PRR16: variants seen among roughly 807,000 people sequenced by gnomAD.
PRR16 encodes protein Largen.
A neutral mutation model predicts 18.2 loss-of-function variants in PRR16; 6 were observed. The observed-to-expected ratio is 0.33, with a 90% CI of 0.18 to 0.65. PRR16 has a LOEUF of 0.65. Ranked by LOEUF, PRR16 falls within the 30% of genes least tolerant of loss-of-function variation. The pLI, the probability that PRR16 is intolerant of heterozygous loss-of-function variation, is 0.74. For synonymous variants in PRR16, 151 were observed against 147.8 expected, an observed-to-expected ratio of 1.02 and a Z score of -0.16; for missense variants, 412 against 376.6, an observed-to-expected ratio of 1.09 and a Z score of -0.78.
At chr5:120,778,983 G>T in the PRR16 span, among the ~76,000 whole-genome samples, 2 of 152,098 alleles carry the variant, frequency 1.3e-5, no homozygotes, top group Admixed American at 1.3e-4. Context: ...AAGGAGGAGG[G>T]AGAAATGTTA....
intron 1 of PRR16, among the ~76,000 whole-genome samples, chr5:120,508,130 A>G (rs1750705449): frequency 6.6e-6 from 1 of 152,114 alleles, no homozygotes; most frequent in African/African-American, 2.4e-5. Context: ...ACTCAGCTGC[A>G]CATACCTTTC....
chr5:120,578,572 TA>T (rs1418830504), intron 1 of PRR16, among the ~76,000 whole-genome samples: 1 of 152,204 alleles, frequency 6.6e-6, no homozygotes, highest in Non-Finnish European at 1.5e-5. Context: ...GCAAAGGACA[TA>T]ATCTCATTTC....
intron 1 of PRR16, among the ~76,000 whole-genome samples, chr5:120,471,744 C>G (rs779164996): frequency 9.9e-5 from 15 of 151,994 alleles, no homozygotes; most frequent in Non-Finnish European, 2.1e-4. Flanking sequence ...GATAATTACT[C>G]TGAATTAAAT....
chr5:120,741,929 T>G, the PRR16 span, among the ~76,000 whole-genome samples: 1 of 152,114 alleles, frequency 6.6e-6, no homozygotes, highest in Non-Finnish European at 1.5e-5. Flanking sequence ...TACTATAAGA[T>G]TTAGAAAGTT....
intron 1 of PRR16, among the ~76,000 whole-genome samples, chr5:120,675,484 T>C (rs1756765308): frequency 6.6e-6 from 1 of 152,210 alleles, no homozygotes; most frequent in Non-Finnish European, 1.5e-5. Context: ...CCACTTTTTC[T>C]GTATTCCACT....
At chr5:120,551,568 A>T (rs995274089) in intron 1 of PRR16, among the ~76,000 whole-genome samples, 1 of 151,882 alleles carries the variant, frequency 6.6e-6, no homozygotes, top group African/African-American at 2.4e-5. Context: ...GTATACTGGA[A>T]ATAAGTCAAA....
At chr5:120,639,123 CTT>C (rs1202904097) in intron 1 of PRR16, among the ~76,000 whole-genome samples, 1 of 152,018 alleles carries the variant, frequency 6.6e-6, no homozygotes, top group East Asian at 1.9e-4. Flanking sequence ...CTAGCAATAA[CTT>C]ATTTTTGTTG....
At chr5:120,580,574 C>T (rs1450588801) in intron 1 of PRR16, among the ~76,000 whole-genome samples, 1 of 151,628 alleles carries the variant, frequency 6.6e-6, no homozygotes, top group Non-Finnish European at 1.5e-5. Context: ...CCTGCCTCAG[C>T]CTCCCGAGTA....
chr5:120,789,784 T>C, the PRR16 span, among the ~76,000 whole-genome samples: 1 of 151,324 alleles, frequency 6.6e-6, no homozygotes, highest in African/African-American at 2.5e-5. Context: ...ATGGAATATT[T>C]ATTTAAAGTA....
At chr5:120,603,134 G>C (rs538901684) in intron 1 of PRR16, among the ~76,000 whole-genome samples, 120 of 151,976 alleles carry the variant, frequency 7.9e-4, no homozygotes, top group African/African-American at 2.7e-3. Flanking sequence ...TTTCAGTATA[G>C]TTGGAACCAA....
At chr5:120,749,208 TTATGA>T in the PRR16 span, among the ~76,000 whole-genome samples, 1 of 152,042 alleles carries the variant, frequency 6.6e-6, no homozygotes, top group Non-Finnish European at 1.5e-5. Context: ...TTTGAAAATT[TTATGA>T]TATATTTTAT....
At chr5:120,789,165 C>A in the PRR16 span, among the ~76,000 whole-genome samples, 26 of 151,960 alleles carry the variant, frequency 1.7e-4, 1 homozygote, top group Admixed American at 1.7e-3. Context: ...ACTTATAAAT[C>A]AATTAATCAT....
the PRR16 span, among the ~76,000 whole-genome samples, chr5:120,727,553 A>T: frequency 6.6e-6 from 1 of 152,148 alleles, no homozygotes; most frequent in Non-Finnish European, 1.5e-5. Flanking sequence ...AGCCAGGAGA[A>T]TATTGTTTAA....
At chr5:120,601,992 T>A (rs930539516) in intron 1 of PRR16, among the ~76,000 whole-genome samples, 1 of 152,024 alleles carries the variant, frequency 6.6e-6, no homozygotes, top group Non-Finnish European at 1.5e-5. Context: ...CAAAGTCAGG[T>A]AGTGTGATGG....
intron 1 of PRR16, among the ~76,000 whole-genome samples, chr5:120,651,970 G>A (rs1755806220): frequency 6.6e-6 from 1 of 151,986 alleles, no homozygotes; most frequent in Admixed American, 6.6e-5. Flanking sequence ...AGCATGGAAT[G>A]TTCTTACATT....
At chr5:120,650,278 A>G (rs1034755804) in intron 1 of PRR16, among the ~76,000 whole-genome samples, 1 of 151,594 alleles carries the variant, frequency 6.6e-6, no homozygotes. Context: ...TAAGAAATAA[A>G]TCATTCAAAC....
chr5:120,542,824 C>G (rs1481596803), intron 1 of PRR16, among the ~76,000 whole-genome samples: 1 of 152,104 alleles, frequency 6.6e-6, no homozygotes. Flanking sequence ...TTATTTGTCT[C>G]TCTTGTGACG....
intron 1 of PRR16, chr5:120,618,690 C>G (rs1754591032): frequency 2.7e-6 from 1 of 373,290 alleles, no homozygotes; most frequent in African/African-American, 2.2e-5. Flanking sequence ...CTGCCTGTGT[C>G]TGTTATTGCT....
At chr5:120,541,706 T>TA (rs1223386409) in intron 1 of PRR16, among the ~76,000 whole-genome samples, 1 of 152,202 alleles carries the variant, frequency 6.6e-6, no homozygotes, top group Non-Finnish European at 1.5e-5. Flanking sequence ...CTTCTTTTTT[T>TA]ATAATGAAAG....
Sources: gnomAD v4.1 joint callset for allele counts (sites outside exome capture counted in the v4.1 genomes callset) on GRCh38, gnomAD v4.1.1 for gene constraint, MANE v1.5 for transcripts, NCBI Gene and HGNC (gene_info 2026-07-23, HGNC 2026-07-21) for gene names.